CLYBL: variants seen among roughly 807,000 people sequenced by gnomAD.
CLYBL encodes the protein citramalyl-CoA lyase, also known as citramalyl-CoA lyase, mitochondrial.
A neutral mutation model predicts 38.9 loss-of-function variants in CLYBL; 31 were observed. The observed-to-expected ratio is 0.80, with a 90% CI of 0.60 to 1.08. CLYBL has a LOEUF of 1.08. CLYBL is among the 50% of genes least tolerant of loss of function. The probability of loss-of-function intolerance (pLI) is 0.00; values close to 1 mark genes in which losing one functional copy is unlikely to be tolerated. For missense variants in CLYBL, 434 were observed against 411.6 expected (o/e 1.05, Z -0.47); for synonymous variants, 171 against 158.6 (o/e 1.08, Z -0.59).
intron 2 of CLYBL, among the ~76,000 whole-genome samples, chr13:99,837,719 A>G (rs1296483845): frequency 6.6e-6 from 1 of 152,180 alleles, no homozygotes; most frequent in Non-Finnish European, 1.5e-5. Flanking sequence ...TGTTTGCCCA[A>G]TAGGCGAGGC....
intron 2 of CLYBL, among the ~76,000 whole-genome samples, chr13:99,807,445 C>T (rs1288324705): frequency 1.3e-5 from 2 of 152,204 alleles, no homozygotes; most frequent in Non-Finnish European, 2.9e-5. Context: ...TAGGTGCCCG[C>T]TCACAGATGA....
At chr13:99,668,935 G>A (rs1284146568) in intron 1 of CLYBL, among the ~76,000 whole-genome samples, 4 of 152,118 alleles carry the variant, frequency 2.6e-5, no homozygotes, top group Admixed American at 2.6e-4. Flanking sequence ...AGCTGGTTCA[G>A]CGGGGAGAAG....
At chr13:99,736,563 G>C (rs550674295) in intron 1 of CLYBL, among the ~76,000 whole-genome samples, 1 of 152,128 alleles carries the variant, frequency 6.6e-6, no homozygotes, top group Non-Finnish European at 1.5e-5. Flanking sequence ...CGGCAGGTAA[G>C]AGTTAGAAAT....
intron 2 of CLYBL, among the ~76,000 whole-genome samples, chr13:99,841,547 G>A (rs1444044702): frequency 2.0e-5 from 3 of 150,930 alleles, no homozygotes; most frequent in Non-Finnish European, 4.4e-5. Context: ...CTACAGGCGC[G>A]TGCCACCACG....
At chr13:99,838,692 G>A (rs2139110686) in intron 2 of CLYBL, among the ~76,000 whole-genome samples, 1 of 152,254 alleles carries the variant, frequency 6.6e-6, no homozygotes, top group South Asian at 2.1e-4. Flanking sequence ...CTGGAGTGCA[G>A]TGGCGCAATC....
intron 2 of CLYBL, among the ~76,000 whole-genome samples, chr13:99,799,333 A>ATACATATAAATATATACACG (rs2050082717): frequency 1.3e-5 from 2 of 152,156 alleles, no homozygotes; most frequent in Admixed American, 1.3e-4. Context: ...ATATATACAC[A>ATACATATAAATATATACACG]TACATATAAA....
At chr13:99,855,823 A>G (rs1485507262) in intron 2 of CLYBL, among the ~76,000 whole-genome samples, 2 of 152,158 alleles carry the variant, frequency 1.3e-5, no homozygotes, top group Admixed American at 1.3e-4. Context: ...TGGTTGGGGT[A>G]AATTCACTGA....
At chr13:99,873,965 A>C (rs1222456019) in intron 7 of CLYBL, among the ~76,000 whole-genome samples, 3 of 151,274 alleles carry the variant, frequency 2.0e-5, no homozygotes, top group Non-Finnish European at 3.0e-5. Flanking sequence ...CATTAAAACA[A>C]ATAACAATCA....
chr13:99,852,715 GT>G (rs1306892585), intron 2 of CLYBL, among the ~76,000 whole-genome samples: 1 of 90,860 alleles, frequency 1.1e-5, no homozygotes, highest in Non-Finnish European at 2.2e-5. Flanking sequence ...AATTGTCAGT[GT>G]TTTAGGGTGC....
Position 99,609,279 on chromosome 13 carries a change from C to A in CLYBL, c.62+2522C>A, listed in dbSNP as rs568441734. ...GCAACCTCTGACTCCCGGGTTCAAG[C>A]GATTCTCCTGCTCCAGCTTCCCGAG... On this transcript the variant is annotated intron_variant, in intron 1 of 8. Coordinates refer to ENST00000339105, the MANE Select transcript of CLYBL (RefSeq NM_206808.5). 2.8e-5 allele frequency among the ~76,000 whole-genome samples: 4 copies of A among 144,968 alleles called. No homozygotes were observed. In the East Asian group the frequency reaches 8.2e-4, roughly 30 times the overall value.
intron 7 of CLYBL, among the ~76,000 whole-genome samples, chr13:99,879,906 A>G (rs185896427): frequency 0.012 from 1,806 of 152,146 alleles, 16 homozygotes; most frequent in South Asian, 0.021. Context: ...TGGGGCTGGT[A>G]ATAATAACCA....
At chr13:99,748,361 C>CA in intron 1 of CLYBL, among the ~76,000 whole-genome samples, 1 of 149,482 alleles carries the variant, frequency 6.7e-6, no homozygotes, top group African/African-American at 2.5e-5. Context: ...GCCTGGGTGA[C>CA]AGAGCAAGAC....
chr13:99,678,469 A>G (rs1413932153), intron 1 of CLYBL, among the ~76,000 whole-genome samples: 2 of 152,350 alleles, frequency 1.3e-5, no homozygotes, highest in East Asian at 1.9e-4. Flanking sequence ...TTGAGTCTAC[A>G]TTGTTGAAGA....
chr13:99,714,524 G>A (rs1324455949), intron 1 of CLYBL, among the ~76,000 whole-genome samples: 1 of 152,110 alleles, frequency 6.6e-6, no homozygotes, highest in Non-Finnish European at 1.5e-5. Flanking sequence ...GGCTGAGGCA[G>A]GAGAACTGCT....
chr13:99,628,794 A>G (rs1310928628), intron 1 of CLYBL, among the ~76,000 whole-genome samples: 2 of 152,228 alleles, frequency 1.3e-5, no homozygotes, highest in African/African-American at 4.8e-5. Flanking sequence ...ACATCTGTCT[A>G]TAAAAGGCAG....
chr13:99,683,738 C>CT (rs35255826), intron 1 of CLYBL, among the ~76,000 whole-genome samples: 396 of 145,966 alleles, frequency 2.7e-3, no homozygotes, highest in South Asian at 0.014. Flanking sequence ...TTACAGTTAA[C>CT]TTTTTTTTTT....
At chr13:99,659,216 GTATA>G (rs57354711) in intron 1 of CLYBL, among the ~76,000 whole-genome samples, 1 of 148,710 alleles carries the variant, frequency 6.7e-6, no homozygotes, top group Non-Finnish European at 1.5e-5. Context: ...GTGTGTGTGT[GTATA>G]TATATATATG....
chr13:99,770,589 T>C (rs2049368474), intron 1 of CLYBL, among the ~76,000 whole-genome samples: 1 of 152,074 alleles, frequency 6.6e-6, no homozygotes. Flanking sequence ...AGTGCTAGGA[T>C]TACAGGCGTG....
intron 2 of CLYBL, among the ~76,000 whole-genome samples, chr13:99,791,296 C>G (rs1234479352): frequency 2.0e-5 from 3 of 152,028 alleles, no homozygotes; most frequent in African/African-American, 7.2e-5. Context: ...ACAGGGCCAG[C>G]TGTGAGGCTC....
Sources: gnomAD v4.1 joint callset for allele counts (sites outside exome capture counted in the v4.1 genomes callset) on GRCh38, gnomAD v4.1.1 for gene constraint, MANE v1.5 for transcripts, NCBI Gene and HGNC (gene_info 2026-07-23, HGNC 2026-07-21) for gene names.